Variants in ANKFN1 observed in about 807,000 individuals in gnomAD.
The protein encoded by ANKFN1 is ankyrin repeat and fibronectin type III domain containing 1.
In ANKFN1, 74 loss-of-function variants were observed where a neutral mutation model predicts 108.7. The observed-to-expected ratio is 0.68, with a 90% CI of 0.56 to 0.83. The LOEUF is 0.83. ANKFN1 is among the 40% of genes least tolerant of loss of function. ANKFN1 has a pLI of 0.00. For synonymous variants in ANKFN1, 547 were observed against 516.2 expected (o/e 1.06, Z -0.81); for missense variants, 1,505 against 1,382.3 (o/e 1.09, Z -1.41).
chr17:56,468,628 C>T (rs780388689), intron 15 of ANKFN1, among the ~76,000 whole-genome samples: 12 of 152,240 alleles, frequency 7.9e-5, no homozygotes, highest in South Asian at 2.1e-4. Flanking sequence ...TCACCCTAAA[C>T]GGCTAACTTA....
chr17:56,515,562 A>C lies in ANKFN1; in HGVS notation c.*4293A>C, dbSNP rs979784473. ...TCAAACACATGGCTTATGACTGTTAAGCTAAACTTCAATGCGGCCTTACAA... is the reference window on the plus strand; with the variant it reads ...TCAAACACATGGCTTATGACTGTTACGCTAAACTTCAATGCGGCCTTACAA... On this transcript the variant is annotated 3_prime_UTR_variant, in exon 21 of 21. Transcript: ENST00000682825. Among the ~76,000 whole-genome samples the C allele has an allele frequency of 6.6e-6, 1 of 152,248 alleles. No homozygotes were observed. The highest frequency in any genetic ancestry group is 1.5e-5 in the Non-Finnish European group (1 of 68,036).
intron 4 of ANKFN1, among the ~76,000 whole-genome samples, chr17:56,334,336 G>C (rs1027615395): frequency 6.6e-6 from 1 of 151,384 alleles, no homozygotes; most frequent in African/African-American, 2.4e-5. Context: ...ATCAGGGGAG[G>C]GGGGAAAAGA....
chr17:56,405,057 G>T (rs1567976564), intron 8 of ANKFN1, among the ~76,000 whole-genome samples: 1 of 152,216 alleles, frequency 6.6e-6, no homozygotes, highest in Non-Finnish European at 1.5e-5. Flanking sequence ...TGTTCCAGTG[G>T]AGGTGGTGGT....
chr17:56,327,587 G>A (rs1041186434), intron 4 of ANKFN1, among the ~76,000 whole-genome samples: 3 of 152,166 alleles, frequency 2.0e-5, no homozygotes, highest in African/African-American at 7.2e-5. Context: ...ATTCTCCCAG[G>A]TGATTTGGCT....
intron 1 of ANKFN1, among the ~76,000 whole-genome samples, chr17:56,187,142 A>T (rs1280876325): frequency 6.6e-6 from 1 of 152,240 alleles, no homozygotes. Context: ...ATCAGAGTGA[A>T]CAGGCAACCT....
chr17:56,235,129 C>T lies in ANKFN1; in HGVS notation c.53+7172C>T, dbSNP rs113836396. Among the ~76,000 whole-genome samples the T allele has an allele frequency of 4.1e-3, 621 of 152,170 alleles. 3 individuals carry two copies. The highest frequency in any genetic ancestry group is 0.014 in the African/African-American group (589 of 41,528). ...TGATATTTGACTTTTTTTCATATGCCTGTCAGCCACATGTATGTCTTCTTT... is the reference window on the plus strand; with the variant it reads ...TGATATTTGACTTTTTTTCATATGCTTGTCAGCCACATGTATGTCTTCTTT... On this transcript the variant is annotated intron_variant, in intron 3 of 20. Coordinates refer to ENST00000682825, the MANE Select transcript of ANKFN1 (RefSeq NM_001370326.1).
At chr17:56,262,399 G>A (rs1567870892) in intron 3 of ANKFN1, among the ~76,000 whole-genome samples, 4 of 152,158 alleles carry the variant, frequency 2.6e-5, no homozygotes, top group Non-Finnish European at 4.4e-5. Flanking sequence ...AGTATATGTC[G>A]TCAAGGCTCG....
chr17:56,391,368 A>ATGTG (rs199687714), intron 8 of ANKFN1, among the ~76,000 whole-genome samples: 2,659 of 128,606 alleles, frequency 0.021, 35 homozygotes, highest in Non-Finnish European at 0.03. Context: ...ACATATATAT[A>ATGTG]TGTGTGTGTG....
At chr17:56,324,724 T>A (rs567407912) in intron 3 of ANKFN1, among the ~76,000 whole-genome samples, 1 of 152,360 alleles carries the variant, frequency 6.6e-6, no homozygotes, top group African/African-American at 2.4e-5. Context: ...AGATTATTCA[T>A]AGCAACACTT....
At chr17:56,272,858 A>G (rs2043827427) in intron 3 of ANKFN1, among the ~76,000 whole-genome samples, 1 of 152,238 alleles carries the variant, frequency 6.6e-6, no homozygotes, top group African/African-American at 2.4e-5. Context: ...TAGAATACCA[A>G]GTAGAAGGGA....
chr17:56,201,926 T>A (rs1164820161), intron 1 of ANKFN1, among the ~76,000 whole-genome samples: 3 of 152,116 alleles, frequency 2.0e-5, no homozygotes, highest in Non-Finnish European at 4.4e-5. Context: ...ATAAACTAGG[T>A]CCATCCAGTG....
chr17:56,353,183 T>A (rs2046289211), intron 5 of ANKFN1, among the ~76,000 whole-genome samples: 1 of 152,010 alleles, frequency 6.6e-6, no homozygotes, highest in South Asian at 2.1e-4. Context: ...TTTAATCTAA[T>A]GTTTATCAAA....
In ANKFN1 at chr17:56,141,998, T is replaced by G. The variant is rs541626601; in HGVS notation, c.289-85919T>G. ...CAGGCTGGAGTGCAATGGTGCAATC[T>G]TGGCCCACTGCAAACTCTGCCTCCC... On this transcript the variant is annotated intron_variant, in intron 4 of 12. Coordinates refer to the ANKFN1 transcript ENST00000635860. Among the ~76,000 whole-genome samples, 347 of 149,592 alleles carry G rather than the reference T, an allele frequency of 2.3e-3. 1 individual carries two copies. The highest frequency in any genetic ancestry group is 3.1e-3 in the Non-Finnish European group (211 of 67,574).
intron 4 of ANKFN1, among the ~76,000 whole-genome samples, chr17:56,090,785 T>G (rs545579800): frequency 1.3e-5 from 2 of 150,756 alleles, no homozygotes; most frequent in Non-Finnish European, 3.0e-5. Flanking sequence ...TTTAAAAAAA[T>G]TTTGTACAGA....
At chr17:56,048,271 A>G (rs899090005) in intron 4 of ANKFN1, among the ~76,000 whole-genome samples, 2 of 152,144 alleles carry the variant, frequency 1.3e-5, no homozygotes, top group Non-Finnish European at 2.9e-5. Context: ...TTATAATGCC[A>G]CTTATGAATA....
chr17:56,312,801 G>A (rs2045072286), intron 3 of ANKFN1, among the ~76,000 whole-genome samples: 1 of 152,178 alleles, frequency 6.6e-6, no homozygotes, highest in African/African-American at 2.4e-5. Context: ...GTCTAAAAGG[G>A]AGCAGACTAA....
intron 4 of ANKFN1, among the ~76,000 whole-genome samples, chr17:56,329,400 T>C (rs2045603660): frequency 6.6e-6 from 1 of 152,168 alleles, no homozygotes; most frequent in Non-Finnish European, 1.5e-5. Context: ...AGTTAATTCC[T>C]CATTCATCAT....
chr17:56,107,345 A>G (rs906878933), intron 4 of ANKFN1, among the ~76,000 whole-genome samples: 2 of 152,100 alleles, frequency 1.3e-5, no homozygotes, highest in Non-Finnish European at 2.9e-5. Flanking sequence ...TGCTCCATCC[A>G]TGTCCCCAAA....
In ANKFN1 at chr17:56,071,138, A is replaced by C. The variant is rs992981254; in HGVS notation, c.288+24813A>C. ...CTCTCTGACTGATTCTATATTTGAC[A>C]TAGAAACTCCTTTCTAACACCACCA... On this transcript the variant is annotated intron_variant, in intron 4 of 12. Transcript: ENST00000635860. Among the ~76,000 whole-genome samples the C allele has an allele frequency of 2.0e-4, 31 of 152,154 alleles. 1 individual carries two copies. The highest frequency in any genetic ancestry group is 7.5e-4 in the African/African-American group (31 of 41,422).
Sources: gnomAD v4.1 joint callset for allele counts (sites outside exome capture counted in the v4.1 genomes callset) on GRCh38, gnomAD v4.1.1 for gene constraint, MANE v1.5 for transcripts, NCBI Gene and HGNC (gene_info 2026-07-23, HGNC 2026-07-21) for gene names.